Variants in GSE1 observed in about 807,000 individuals in gnomAD.
The protein encoded by GSE1 is Gse1 coiled-coil protein.
In GSE1, 32 loss-of-function variants were observed where a neutral mutation model predicts 112.6. The ratio of observed to expected loss-of-function variants is 0.28; its 90% confidence interval spans 0.21 to 0.38. GSE1 has a LOEUF of 0.38. Among genes scored for constraint, GSE1 ranks in the 10% least tolerant of loss-of-function variants. GSE1 has a pLI of 1.00. For synonymous variants in GSE1, 1,115 were observed against 735.6 expected (o/e 1.52, Z -8.35); for missense variants, 2,348 against 1,699.2 (o/e 1.38, Z -6.71).
At chr16:85,658,761 G>A (rs1210319890) in intron 8 of GSE1, among the ~76,000 whole-genome samples, 1 of 152,190 alleles carries the variant, frequency 6.6e-6, no homozygotes, top group Non-Finnish European at 1.5e-5. Context: ...CTCCTACCTG[G>A]CATGGCCTGA....
At chr16:85,510,665 C>T (rs537419318) in intron 2 of GSE1, among the ~76,000 whole-genome samples, 3 of 152,332 alleles carry the variant, frequency 2.0e-5, no homozygotes, top group Admixed American at 2.0e-4. Flanking sequence ...TAGCTTTGGC[C>T]TTGTTGTAGG....
intron 2 of GSE1, among the ~76,000 whole-genome samples, chr16:85,362,019 A>T (rs1441362977): frequency 6.6e-6 from 1 of 152,144 alleles, no homozygotes; most frequent in Admixed American, 6.5e-5. Context: ...GTTGCATTTG[A>T]AGTGGCCGTC....
intron 1 of GSE1, among the ~76,000 whole-genome samples, chr16:85,605,313 G>A (rs565100230): frequency 2.0e-5 from 3 of 152,082 alleles, no homozygotes; most frequent in South Asian, 4.1e-4. Context: ...AAAGAGTTCC[G>A]CTGCTCTCAC....
At chr16:85,417,400 G>GTT (rs202230891) in intron 2 of GSE1, among the ~76,000 whole-genome samples, 28,170 of 152,300 alleles carry the variant, frequency 0.18, 2,774 homozygotes, top group Middle Eastern at 0.32. Context: ...GAAGACCCGA[G>GTT]CTGGAAGAAG....
chr16:85,348,933 G>A (rs1021139292), intron 1 of GSE1, among the ~76,000 whole-genome samples: 1 of 151,502 alleles, frequency 6.6e-6, no homozygotes, highest in Non-Finnish European at 1.5e-5. Context: ...GCGGCGCCCT[G>A]CCCGAGACAG....
chr16:85,228,420 A>G (rs543981505), intron 1 of GSE1, among the ~76,000 whole-genome samples: 1 of 152,270 alleles, frequency 6.6e-6, no homozygotes, highest in South Asian at 2.1e-4. Context: ...GGGAAGGCTG[A>G]GTCAGTGCGG....
At chr16:85,435,980 C>T (rs186333703) in intron 2 of GSE1, among the ~76,000 whole-genome samples, 4 of 152,154 alleles carry the variant, frequency 2.6e-5, no homozygotes, top group South Asian at 2.1e-4. Context: ...CTGGGGCTCC[C>T]GGATCTCACC....
intron 1 of GSE1, among the ~76,000 whole-genome samples, chr16:85,596,242 G>T (rs183367601): frequency 2.0e-5 from 3 of 152,162 alleles, no homozygotes; most frequent in Non-Finnish European, 4.4e-5. Flanking sequence ...TCCGCCTAAC[G>T]TGAGGGGAGG....
intron 1 of GSE1, among the ~76,000 whole-genome samples, chr16:85,590,606 A>T (rs1286300100): frequency 6.6e-6 from 1 of 151,778 alleles, no homozygotes; most frequent in Non-Finnish European, 1.5e-5. Flanking sequence ...AGCATGTGTG[A>T]CATTGTGTGC....
intron 1 of GSE1, among the ~76,000 whole-genome samples, chr16:85,256,517 G>A (rs1461323660): frequency 6.6e-6 from 1 of 152,236 alleles, no homozygotes; most frequent in Non-Finnish European, 1.5e-5. Flanking sequence ...CTCGGGGTCA[G>A]GGCCGCCCAG....
intron 1 of GSE1, among the ~76,000 whole-genome samples, chr16:85,267,080 A>G (rs1307616973): frequency 6.6e-6 from 1 of 152,176 alleles, no homozygotes; most frequent in Non-Finnish European, 1.5e-5. Context: ...CGCTCAGCTA[A>G]TTATGTGGAA....
At chr16:85,199,428 T>C (rs891270393) in intron 1 of GSE1, among the ~76,000 whole-genome samples, 3 of 152,056 alleles carry the variant, frequency 2.0e-5, no homozygotes, top group African/African-American at 7.3e-5. Context: ...CGGGGCCGAG[T>C]CTTCTGACCA....
chr16:85,676,178 A>G lies in GSE1; in HGVS notation c.*3639A>G, dbSNP rs541014187. 5.9e-5 allele frequency: 9 copies of G among 152,676 alleles called. No homozygotes were observed. Among genetic ancestry groups the G allele is most frequent in the Non-Finnish European group, 8.8e-5 (6 of 68,044 alleles). The allele number at this position is 152,676 out of a possible 1,614,324, so 9.5% of individuals were successfully genotyped here. The stretch of plus-strand genomic sequence containing the variant: ...TTGCTGTAATTTCTGACAACATCCA[A>G]AAAATAAAATCTTCCTAAATTATGT... On this transcript the variant is annotated 3_prime_UTR_variant, in exon 16 of 16. Coordinates refer to ENST00000253458, the MANE Select transcript of GSE1 (RefSeq NM_014615.5).
At chr16:85,500,784 G>T (rs1242257448) in intron 2 of GSE1, among the ~76,000 whole-genome samples, 3 of 152,106 alleles carry the variant, frequency 2.0e-5, no homozygotes, top group Non-Finnish European at 4.4e-5. Context: ...TGTCATAAAG[G>T]CCCGAAGTCC....
At chr16:85,374,718 G>T (rs75958973) in intron 2 of GSE1, among the ~76,000 whole-genome samples, 7 of 152,274 alleles carry the variant, frequency 4.6e-5, no homozygotes, top group Admixed American at 6.5e-5. Flanking sequence ...CAGTGGATGC[G>T]TTCGAGCTGC....
chr16:85,209,072 G>A (rs888782568), intron 1 of GSE1, among the ~76,000 whole-genome samples: 1 of 151,712 alleles, frequency 6.6e-6, no homozygotes, highest in Non-Finnish European at 1.5e-5. Context: ...CCTGTGTTGG[G>A]GTTCGCTGTG....
At chr16:85,219,478 C>G (rs77121169) in intron 1 of GSE1, among the ~76,000 whole-genome samples, 2,413 of 152,262 alleles carry the variant, frequency 0.016, 65 homozygotes, top group African/African-American at 0.056. Flanking sequence ...TGGGTCCTAC[C>G]TGGTCAGGGA....
At chr16:85,335,080 C>T (rs1458330440) in intron 1 of GSE1, among the ~76,000 whole-genome samples, 4 of 152,228 alleles carry the variant, frequency 2.6e-5, no homozygotes, top group Non-Finnish European at 5.9e-5. Flanking sequence ...GTTTCCCGTG[C>T]GGTGGGACTC....
chr16:85,639,865 C>T (rs1428081939), intron 2 of GSE1, among the ~76,000 whole-genome samples: 4 of 152,244 alleles, frequency 2.6e-5, no homozygotes, highest in South Asian at 2.1e-4. Flanking sequence ...ACGCAGCGCC[C>T]GTCTGCCAAG....
Sources: allele counts gnomAD v4.1 joint callset (sites outside exome capture counted in the v4.1 genomes callset), GRCh38; gene constraint gnomAD v4.1.1; transcripts MANE v1.5; gene names NCBI Gene and HGNC (gene_info 2026-07-23, HGNC 2026-07-21).